The following PRKAG2 variants were observed in gnomAD, a reference collection of about 807,000 sequenced individuals.
The protein encoded by PRKAG2 is 5'-AMP-activated protein kinase subunit gamma-2.
PRKAG2 carries 26 observed loss-of-function variants against 69.6 expected under a neutral mutation model. That is an observed-to-expected ratio of 0.37 (90% confidence interval 0.27 to 0.52). The LOEUF is 0.52. Ranked by LOEUF, PRKAG2 falls within the 20% of genes least tolerant of loss-of-function variation. The pLI, the probability that PRKAG2 is intolerant of heterozygous loss-of-function variation, is 0.90. For synonymous variants in PRKAG2, 293 were observed against 285.0 expected (o/e 1.03, Z -0.28); for missense variants, 557 against 740.0 (o/e 0.75, Z 2.87).
At chr7:151,820,900 C>T (rs112681328) in intron 1 of PRKAG2, among the ~76,000 whole-genome samples, 2,414 of 114,788 alleles carry the variant, frequency 0.021, 51 homozygotes, top group South Asian at 0.062. Flanking sequence ...TCACCACTCC[C>T]GCTCTCTCTC....
At chr7:151,591,316 G>A (rs539795211) in intron 6 of PRKAG2, among the ~76,000 whole-genome samples, 3 of 152,334 alleles carry the variant, frequency 2.0e-5, no homozygotes, top group South Asian at 2.1e-4. Flanking sequence ...CGGCACCCCC[G>A]CTCTCTACCT....
intron 5 of PRKAG2, among the ~76,000 whole-genome samples, chr7:151,621,915 TTA>T (rs1235636920): frequency 6.6e-6 from 1 of 152,188 alleles, no homozygotes; most frequent in African/African-American, 2.4e-5. Flanking sequence ...ATCTCTGCAT[TTA>T]TAGTTAAGAA....
At chr7:151,672,680 C>T (rs570804724) in intron 4 of PRKAG2, among the ~76,000 whole-genome samples, 2 of 152,042 alleles carry the variant, frequency 1.3e-5, no homozygotes, top group East Asian at 1.9e-4. Context: ...TCCTCAGGGC[C>T]CCTCCGTGTC....
intron 3 of PRKAG2, among the ~76,000 whole-genome samples, chr7:151,713,916 A>G (rs1320702623): frequency 2.6e-5 from 4 of 152,156 alleles, no homozygotes. Context: ...ATGCATCAAA[A>G]TCACCTACAA....
At chr7:151,832,770 C>T (rs376904646) in intron 1 of PRKAG2, among the ~76,000 whole-genome samples, 57 of 152,268 alleles carry the variant, frequency 3.7e-4, no homozygotes, top group African/African-American at 1.2e-3. Flanking sequence ...GAGGCCCATC[C>T]TCAGACCTTC....
intron 5 of PRKAG2, among the ~76,000 whole-genome samples, chr7:151,610,211 A>G (rs1442262668): frequency 2.6e-5 from 4 of 152,010 alleles, no homozygotes; most frequent in Admixed American, 2.6e-4. Context: ...TAAAAATACA[A>G]AACCAAAATT....
Position 151,583,089 on chromosome 7 carries a change from C to T in PRKAG2, c.865-6637G>A, listed in dbSNP as rs1171747411. 2.0e-5 allele frequency among the ~76,000 whole-genome samples: 3 copies of T among 152,180 alleles called. No individual in the cohort carries two copies. Among genetic ancestry groups the T allele is most frequent in the East Asian group, 3.8e-4 (2 of 5,198 alleles). On this transcript the variant is annotated intron_variant, in intron 6 of 15. Transcript: ENST00000287878. The surrounding 1 kb of genome is among the most constrained non-coding windows in gnomAD (Gnocchi z 4.1). ...AGGCTCAAGTATAGTGGTATGATCA[C>T]GGCTCACTGCAGCCTCAACCTCGTA...
In PRKAG2 at chr7:151,788,014, C is replaced by T. The variant is rs2077098341; in HGVS notation, c.115-1473G>A. ...CATATTTCTGTTGTTTAAGCCACCC[C>T]ACTTAATCTGTAGTGCTTTGCTATG... On this transcript the variant is annotated intron_variant, in intron 1 of 15. Transcript: ENST00000287878. The surrounding 1 kb of genome is among the most constrained non-coding windows in gnomAD (Gnocchi z 4.6). 6.6e-6 allele frequency among the ~76,000 whole-genome samples: 1 copy of T among 152,198 alleles called. No homozygotes were observed. Among genetic ancestry groups the T allele is most frequent in the South Asian group, 2.1e-4 (1 of 4,832 alleles).
intron 3 of PRKAG2, among the ~76,000 whole-genome samples, chr7:151,697,089 C>G (rs991513692): frequency 6.6e-6 from 1 of 152,156 alleles, no homozygotes; most frequent in African/African-American, 2.4e-5. Context: ...GGTGTGTAGC[C>G]TGGGAGGGGC....
chr7:151,732,133 CTTTTTTTT>C (rs59078328), intron 3 of PRKAG2, among the ~76,000 whole-genome samples: 2 of 94,886 alleles, frequency 2.1e-5, no homozygotes, highest in African/African-American at 4.4e-5. Context: ...CAGCACCTGG[CTTTTTTTT>C]TTTTTTTTTT....
chr7:151,622,025 T>G (rs1348193446), intron 5 of PRKAG2, among the ~76,000 whole-genome samples: 1 of 152,198 alleles, frequency 6.6e-6, no homozygotes, highest in African/African-American at 2.4e-5. Flanking sequence ...AAGAACTAAG[T>G]TTTTGTTTTT....
intron 1 of PRKAG2, among the ~76,000 whole-genome samples, chr7:151,859,141 C>A (rs1270760979): frequency 6.6e-6 from 1 of 152,230 alleles, no homozygotes; most frequent in Non-Finnish European, 1.5e-5. Context: ...GTCGCTGGGG[C>A]CTCCAGCAAA....
intron 1 of PRKAG2, among the ~76,000 whole-genome samples, chr7:151,812,545 C>G (rs373512360): frequency 2.6e-5 from 4 of 152,248 alleles, no homozygotes; most frequent in Non-Finnish European, 5.9e-5. Flanking sequence ...GACCAAGCAT[C>G]TTCCTCTTGT....
rs1797688131 is a variant in PRKAG2, at chr7:151,724,893, C to T, written c.467-49256G>A. ...TTCAGAAACTCCGACAGTGGGGACCCGGGGCGTGGCGGGGCTGCTCAGTGC... is the reference window on the plus strand; with the variant it reads ...TTCAGAAACTCCGACAGTGGGGACCTGGGGCGTGGCGGGGCTGCTCAGTGC... On this transcript the variant is annotated intron_variant, in intron 3 of 15. Transcript: ENST00000287878. 2.6e-5 allele frequency among the ~76,000 whole-genome samples: 4 copies of T among 152,090 alleles called. No homozygotes were observed. The South Asian group carries it at 8.4e-4, about 32-fold the overall frequency.
Position 151,716,840 on chromosome 7 carries a change from G to A in PRKAG2, c.467-41203C>T, listed in dbSNP as rs114064674. ...CCAGCCCCCAAGCCCGCGTGGAGCA[G>A]AGATGGGTACACACCCCGCACCTTC... is the stretch of plus-strand genomic sequence containing the variant. On this transcript the variant is annotated intron_variant, in intron 3 of 15. Transcript: ENST00000287878. Among the ~76,000 whole-genome samples the A allele has an allele frequency of 8.0e-3, 1,224 of 152,324 alleles. 17 individuals carry two copies. Among genetic ancestry groups the A allele is most frequent in the African/African-American group, 0.028 (1,156 of 41,580 alleles).
At chr7:151,872,755 G>A (rs923492631) in intron 1 of PRKAG2, among the ~76,000 whole-genome samples, 12 of 152,260 alleles carry the variant, frequency 7.9e-5, no homozygotes, top group African/African-American at 2.9e-4. Context: ...CAGGGTCTGA[G>A]AGGATTCCTT....
At chr7:151,853,725 A>G (rs1012908589) in intron 1 of PRKAG2, among the ~76,000 whole-genome samples, 1 of 149,708 alleles carries the variant, frequency 6.7e-6, no homozygotes, top group Non-Finnish European at 1.5e-5. Flanking sequence ...ATGCCACTGC[A>G]GTCCAGCCTG....
At chr7:151,649,262 A>G (rs1828067264) in intron 4 of PRKAG2, among the ~76,000 whole-genome samples, 1 of 152,026 alleles carries the variant, frequency 6.6e-6, no homozygotes, top group African/African-American at 2.4e-5. Flanking sequence ...AGTAGCTGGG[A>G]TTGCAGGCAC....
chr7:151,762,452 C>T (rs2075475568), intron 3 of PRKAG2, among the ~76,000 whole-genome samples: 1 of 152,150 alleles, frequency 6.6e-6, no homozygotes, highest in East Asian at 1.9e-4. Flanking sequence ...CTGTGGCCTA[C>T]TGGGAGCCTC....
Sources: allele counts gnomAD v4.1 joint callset (sites outside exome capture counted in the v4.1 genomes callset), GRCh38; gene constraint gnomAD v4.1.1; non-coding constraint Gnocchi (gnomAD v3.1); transcripts MANE v1.5; gene names NCBI Gene and HGNC (gene_info 2026-07-23, HGNC 2026-07-21).